The following RBFOX1 variants were observed in gnomAD, a reference collection of about 807,000 sequenced individuals.
The protein encoded by RBFOX1 is RNA binding protein fox-1 homolog 1.
A neutral mutation model predicts 57.7 loss-of-function variants in RBFOX1; 8 were observed. That is an observed-to-expected ratio of 0.14 (90% CI 0.08 to 0.25). The LOEUF (loss-of-function observed/expected upper bound fraction) is 0.25. RBFOX1 is among the 10% of genes least tolerant of loss of function. RBFOX1 has a pLI of 1.00. For synonymous variants in RBFOX1, 326 were observed against 222.4 expected (o/e 1.47, Z -4.15); for missense variants, 611 against 548.5 (o/e 1.11, Z -1.14).
intron 4 of RBFOX1, among the ~76,000 whole-genome samples, chr16:7,134,149 A>T (rs1442299975): frequency 6.6e-6 from 1 of 152,162 alleles, no homozygotes; most frequent in Non-Finnish European, 1.5e-5. Flanking sequence ...AACGGTGGTC[A>T]GCAGAGAGGG....
At chr16:6,872,434 C>T (rs2061094333) in intron 3 of RBFOX1, among the ~76,000 whole-genome samples, 1 of 152,074 alleles carries the variant, frequency 6.6e-6, no homozygotes, top group Admixed American at 6.6e-5. Flanking sequence ...ACTTTAAGAA[C>T]TATTTCTAAA....
At chr16:6,633,484 G>T (rs1046150781) in intron 2 of RBFOX1, among the ~76,000 whole-genome samples, 7 of 151,966 alleles carry the variant, frequency 4.6e-5, no homozygotes, top group Admixed American at 4.6e-4. Flanking sequence ...AGTAGAGATG[G>T]GTTTTCACCA....
intron 2 of RBFOX1, among the ~76,000 whole-genome samples, chr16:6,361,766 G>T (rs2088587252): frequency 6.6e-6 from 1 of 152,146 alleles, no homozygotes; most frequent in Non-Finnish European, 1.5e-5. Context: ...AGGCGTCAGT[G>T]TATTTTAAAG....
At chr16:5,891,520 G>C (rs2058044421) in intron 4 of RBFOX1, among the ~76,000 whole-genome samples, 1 of 152,210 alleles carries the variant, frequency 6.6e-6, no homozygotes. Context: ...TGCTGTCAAG[G>C]AAACAGCCCG....
intron 5 of RBFOX1, among the ~76,000 whole-genome samples, chr16:7,569,748 A>G (rs180955632): frequency 3.2e-4 from 48 of 152,306 alleles, no homozygotes; most frequent in African/African-American, 1.1e-3. Context: ...TCATGCCTGT[A>G]ATCCCAACAT....
At position 6,463,661 on chromosome 16, in the gene RBFOX1, C is replaced by T. The variant is rs552612166; in HGVS notation, c.-64+146604C>T. Among the ~76,000 whole-genome samples the T allele has an allele frequency of 9.9e-5, 15 of 152,256 alleles. No homozygotes were observed. In the South Asian group the frequency reaches 2.1e-3, roughly 21 times the overall value. On this transcript the variant is annotated intron_variant, in intron 2 of 15. Transcript: ENST00000550418. ...GAAGCTCAACCAATGTCGTGAGCAC[C>T]GGTCTCGTTCACCATGTCATTTAGC...
chr16:6,806,745 CCTTT>C (rs1271877805), intron 3 of RBFOX1, among the ~76,000 whole-genome samples: 24 of 139,684 alleles, frequency 1.7e-4, no homozygotes, highest in Non-Finnish European at 2.7e-4. Flanking sequence ...GTTTTTTCTC[CCTTT>C]CTTTTTCTAT....
chr16:7,002,853 C>G (rs938410319), intron 3 of RBFOX1, among the ~76,000 whole-genome samples: 4 of 152,146 alleles, frequency 2.6e-5, no homozygotes, highest in African/African-American at 9.7e-5. Context: ...AGGAGTTTCT[C>G]TCAACATCCC....
At chr16:7,709,472 C>T (rs571710507) in intron 15 of RBFOX1, 16 of 1,448,844 alleles carry the variant, frequency 1.1e-5, no homozygotes, top group Non-Finnish European at 1.4e-5. Flanking sequence ...TTTTTTCCCT[C>T]CCTTGCTGCT....
chr16:5,648,117 C>T (rs903099392), intron 3 of RBFOX1, among the ~76,000 whole-genome samples: 1 of 152,202 alleles, frequency 6.6e-6, no homozygotes, highest in African/African-American at 2.4e-5. Context: ...GCCTCTACCT[C>T]CCAGAGTGCT....
chr16:7,227,665 G>A (rs975121581), intron 4 of RBFOX1, among the ~76,000 whole-genome samples: 7 of 152,134 alleles, frequency 4.6e-5, no homozygotes, highest in Non-Finnish European at 4.4e-5. Flanking sequence ...GGGGATTTGA[G>A]TGGATGGGTC....
In RBFOX1 at chr16:5,892,589, C is replaced by T. The variant is rs1012868368; in HGVS notation, c.351+25254C>T. Among the ~76,000 whole-genome samples the T allele has an allele frequency of 3.9e-5, 6 of 152,246 alleles. No individual in the cohort carries two copies. The South Asian group carries it at 8.3e-4, about 21-fold the overall frequency. ...GAGAAGTAAGCAGAGAGGCAATAAC[C>T]ACTTTTTTTGTGAAACAGTGAATGG... On this transcript the variant is annotated intron_variant, in intron 4 of 19. Coordinates refer to the RBFOX1 transcript ENST00000641259.
chr16:6,673,004 C>G (rs1057073127), intron 3 of RBFOX1, among the ~76,000 whole-genome samples: 1 of 152,114 alleles, frequency 6.6e-6, no homozygotes, highest in African/African-American at 2.4e-5. Flanking sequence ...CAGTGCAATG[C>G]TAACAATATG....
intron 2 of RBFOX1, among the ~76,000 whole-genome samples, chr16:6,594,761 A>T (rs189459287): frequency 1.3e-5 from 2 of 151,740 alleles, no homozygotes; most frequent in Admixed American, 1.3e-4. Flanking sequence ...CACAAAATTC[A>T]CCTATTTAAA....
intron 1 of RBFOX1, among the ~76,000 whole-genome samples, chr16:5,315,703 T>C (rs921743972): frequency 3.9e-5 from 6 of 152,278 alleles, no homozygotes; most frequent in Non-Finnish European, 5.9e-5. Context: ...GTGCTGTGCG[T>C]AAGAGCACCA....
chr16:5,741,495 C>T (rs958005513), intron 3 of RBFOX1, among the ~76,000 whole-genome samples: 2 of 152,164 alleles, frequency 1.3e-5, no homozygotes, highest in Non-Finnish European at 2.9e-5. Context: ...AGAAAATGTT[C>T]TCAGAGCCAC....
chr16:7,068,437 C>G (rs142786404), intron 4 of RBFOX1, among the ~76,000 whole-genome samples: 1 of 152,094 alleles, frequency 6.6e-6, no homozygotes, highest in Non-Finnish European at 1.5e-5. Context: ...GCCATTGGCC[C>G]AGGACTCACC....
chr16:7,351,869 C>T (rs757067754), intron 4 of RBFOX1, among the ~76,000 whole-genome samples: 11 of 152,162 alleles, frequency 7.2e-5, no homozygotes, highest in African/African-American at 2.2e-4. Flanking sequence ...TTTCAGCTGT[C>T]AGCAGCTGTC....
At chr16:5,414,475 G>A (rs2067107665) in intron 1 of RBFOX1, among the ~76,000 whole-genome samples, 1 of 152,178 alleles carries the variant, frequency 6.6e-6, no homozygotes. Flanking sequence ...GACAGTTGAA[G>A]TGCTATGAGC....
Sources: allele counts gnomAD v4.1 joint callset (sites outside exome capture counted in the v4.1 genomes callset), GRCh38; gene constraint gnomAD v4.1.1; transcripts MANE v1.5; gene names NCBI Gene and HGNC (gene_info 2026-07-23, HGNC 2026-07-21).